PRKCE: variants seen among roughly 807,000 people sequenced by gnomAD.
PRKCE encodes protein kinase C epsilon type.
In PRKCE, 16 loss-of-function variants were observed where a neutral mutation model predicts 85.4. The observed-to-expected ratio is 0.19, with a 90% CI of 0.13 to 0.28. The LOEUF is 0.28. Among genes scored for constraint, PRKCE ranks in the 10% least tolerant of loss-of-function variants. PRKCE has a pLI of 1.00. For missense variants in PRKCE, 573 were observed against 975.2 expected, an observed-to-expected ratio of 0.59 and a Z score of 5.49; for synonymous variants, 388 against 371.5, an observed-to-expected ratio of 1.04 and a Z score of -0.51.
chr2:45,698,038 C>T (rs1017494889), intron 1 of PRKCE: 13 of 152,702 alleles, frequency 8.5e-5, no homozygotes, highest in African/African-American at 2.6e-4. Flanking sequence ...GATTTATTTT[C>T]AATTTCCAAG....
At chr2:46,060,269 T>A (rs1666977151) in intron 10 of PRKCE, among the ~76,000 whole-genome samples, 1 of 152,202 alleles carries the variant, frequency 6.6e-6, no homozygotes. Flanking sequence ...AGCAAATGTA[T>A]GATTGAGGTA....
chr2:46,087,296 G>A (rs1475528281), intron 11 of PRKCE, among the ~76,000 whole-genome samples: 1 of 151,998 alleles, frequency 6.6e-6, no homozygotes, highest in African/African-American at 2.4e-5. Context: ...TTTGATTTTT[G>A]TTGCCAACTG....
At chr2:45,738,087 T>C (rs1184351901) in intron 1 of PRKCE, among the ~76,000 whole-genome samples, 1 of 152,154 alleles carries the variant, frequency 6.6e-6, no homozygotes, top group Non-Finnish European at 1.5e-5. Flanking sequence ...GTCTGGGCTC[T>C]TGGAATTTTC....
chr2:46,023,618 C>CA (rs1275279201), intron 10 of PRKCE, among the ~76,000 whole-genome samples: 1 of 152,202 alleles, frequency 6.6e-6, no homozygotes, highest in Non-Finnish European at 1.5e-5. Flanking sequence ...TAGGGCTAGC[C>CA]ACAAGATTCC....
chr2:45,651,879 CT>C lies in PRKCE; in HGVS notation c.-221del, dbSNP rs1302383930. On this transcript the variant is annotated 5_prime_UTR_variant, in exon 1 of 15. Transcript: ENST00000306156. The stretch of plus-strand genomic sequence containing the variant: ...CTCCAAACACGGACATCCCCCAGCT[CT>C]CCCCCCTCCCTGTTTTCCGTTAGGA... 27 of 482,774 alleles carry C rather than the reference CT, an allele frequency of 5.6e-5. No homozygotes were observed. Among genetic ancestry groups the C allele is most frequent in the African/African-American group, 5.0e-4 (26 of 51,522 alleles). The allele number at this position is 482,774 out of a possible 1,614,324, so 29.9% of individuals were successfully genotyped here. A position where few individuals can be genotyped will look rare whatever the true frequency, so the allele number is the denominator to read the frequency against.
intron 14 of PRKCE, among the ~76,000 whole-genome samples, chr2:46,183,284 C>T (rs556811645): frequency 1.3e-5 from 2 of 152,204 alleles, no homozygotes; most frequent in Non-Finnish European, 2.9e-5. Flanking sequence ...ATGTGCATAG[C>T]AAATCTCCAA....
At chr2:46,035,652 G>A (rs546660188) in intron 10 of PRKCE, among the ~76,000 whole-genome samples, 14 of 152,362 alleles carry the variant, frequency 9.2e-5, no homozygotes, top group African/African-American at 2.9e-4. Flanking sequence ...TGCCATATAT[G>A]TGCGTGTGTA....
At chr2:45,684,376 A>G (rs1043757080) in intron 1 of PRKCE, among the ~76,000 whole-genome samples, 2 of 152,216 alleles carry the variant, frequency 1.3e-5, no homozygotes, top group African/African-American at 4.8e-5. Context: ...GGGCTATTTC[A>G]TCTGTGCTCA....
At chr2:45,763,851 C>G (rs542054577) in intron 1 of PRKCE, among the ~76,000 whole-genome samples, 2 of 152,266 alleles carry the variant, frequency 1.3e-5, no homozygotes, top group Admixed American at 1.3e-4. Context: ...GAATCCCAAG[C>G]CGAATTGAAC....
chr2:45,847,188 C>T (rs1691864298), intron 2 of PRKCE, among the ~76,000 whole-genome samples: 1 of 152,244 alleles, frequency 6.6e-6, no homozygotes, highest in South Asian at 2.1e-4. Context: ...CCTGGAAGGA[C>T]ATTCTCTAGC....
At chr2:45,699,862 G>A (rs1030287370) in intron 1 of PRKCE, among the ~76,000 whole-genome samples, 5 of 152,176 alleles carry the variant, frequency 3.3e-5, no homozygotes, top group African/African-American at 9.7e-5. Context: ...GGATGCCGCC[G>A]CTTGTGTCTG....
Position 46,145,279 on chromosome 2 carries a change from G to A in PRKCE, c.1731+48G>A. 7 of 1,596,708 alleles carry A rather than the reference G, an allele frequency of 4.4e-6. No homozygotes were observed. The highest frequency in any genetic ancestry group is 2.2e-5 in the South Asian group (2 of 90,820). On this transcript the variant is annotated intron_variant, in intron 12 of 14. Coordinates refer to ENST00000306156, the MANE Select transcript of PRKCE (RefSeq NM_005400.3). The surrounding 1 kb of genome is among the most constrained non-coding windows in gnomAD (Gnocchi z 4.6). Reference sequence around the variant, plus strand: ...CACCTCCTCCTGGTGCCAGGACCGAGGCAGGGGTCCAAACCCATGCACTGG... The same window carrying A: ...CACCTCCTCCTGGTGCCAGGACCGAAGCAGGGGTCCAAACCCATGCACTGG...
chr2:45,677,755 G>T, intron 1 of PRKCE: 1 of 562,954 alleles, frequency 1.8e-6, no homozygotes, highest in Non-Finnish European at 2.3e-6. Flanking sequence ...TCTGGCTTGT[G>T]GTCGGGTGTT....
intron 11 of PRKCE, among the ~76,000 whole-genome samples, chr2:46,120,855 T>C (rs1281508070): frequency 6.6e-6 from 1 of 152,232 alleles, no homozygotes; most frequent in African/African-American, 2.4e-5. Flanking sequence ...AATCTATCCA[T>C]ACTGTAAAAA....
chr2:46,165,013 G>C (rs1678193578), intron 14 of PRKCE: 1 of 152,258 alleles, frequency 6.6e-6, no homozygotes, highest in Non-Finnish European at 1.5e-5. Context: ...ATTCCCCCCA[G>C]GCTTTTGCCT....
chr2:45,681,648 C>A (rs1215231689), intron 1 of PRKCE, among the ~76,000 whole-genome samples: 1 of 152,160 alleles, frequency 6.6e-6, no homozygotes, highest in Non-Finnish European at 1.5e-5. Flanking sequence ...TTATCTCTAC[C>A]TGGGCCTGTG....
At chr2:45,698,471 C>A (rs1395663928) in intron 1 of PRKCE, among the ~76,000 whole-genome samples, 1 of 151,938 alleles carries the variant, frequency 6.6e-6, no homozygotes, top group African/African-American at 2.4e-5. Context: ...TCGATTTTGC[C>A]CATCTCTGCT....
At chr2:46,107,413 C>T (rs758003724) in intron 11 of PRKCE, among the ~76,000 whole-genome samples, 1 of 152,142 alleles carries the variant, frequency 6.6e-6, no homozygotes, top group Non-Finnish European at 1.5e-5. Flanking sequence ...GAGGCCGAGG[C>T]GGGCAGATAT....
intron 1 of PRKCE, among the ~76,000 whole-genome samples, chr2:45,841,129 T>C (rs1691311932): frequency 6.6e-6 from 1 of 152,192 alleles, no homozygotes; most frequent in Admixed American, 6.5e-5. Flanking sequence ...AGATGGACAA[T>C]GTATTACAAC....
Sources: gnomAD v4.1 joint callset for allele counts (sites outside exome capture counted in the v4.1 genomes callset) on GRCh38, gnomAD v4.1.1 for gene constraint, Gnocchi (gnomAD v3.1) non-coding constraint, MANE v1.5 for transcripts, NCBI Gene and HGNC (gene_info 2026-07-23, HGNC 2026-07-21) for gene names.